The following FTO variants were observed in gnomAD, a reference collection of about 807,000 sequenced individuals.
FTO encodes FTO alpha-ketoglutarate dependent dioxygenase, also known as alpha-ketoglutarate-dependent dioxygenase FTO.
In FTO, 47 loss-of-function variants were observed where a neutral mutation model predicts 63.9. The observed-to-expected ratio is 0.74, with a 90% CI of 0.58 to 0.94. The LOEUF (loss-of-function observed/expected upper bound fraction) is 0.94. Ranked by LOEUF, FTO falls within the 40% of genes least tolerant of loss-of-function variation. FTO has a pLI of 0.00. For missense variants in FTO, 562 were observed against 618.1 expected (o/e 0.91, Z 0.96); for synonymous variants, 207 against 224.4 (o/e 0.92, Z 0.69).
intron 1 of FTO, among the ~76,000 whole-genome samples, chr16:53,712,543 A>G (rs1218901509): frequency 6.6e-6 from 1 of 152,222 alleles, no homozygotes; most frequent in Non-Finnish European, 1.5e-5. Flanking sequence ...AAAATTAACC[A>G]GCTAAACTAT....
intron 8 of FTO, among the ~76,000 whole-genome samples, chr16:54,109,719 T>C (rs1166722803): frequency 6.6e-6 from 1 of 152,204 alleles, no homozygotes; most frequent in Non-Finnish European, 1.5e-5. Context: ...TTGGGAAGCT[T>C]GTACAACACA....
chr16:53,951,814 G>GT (rs550613088), intron 8 of FTO, among the ~76,000 whole-genome samples: 6,205 of 144,752 alleles, frequency 0.043, 379 homozygotes, highest in African/African-American at 0.14. Context: ...AATCAATCTT[G>GT]TTTTTTTTTT....
At chr16:53,822,645 G>A (rs976761179) in intron 2 of FTO, among the ~76,000 whole-genome samples, 7 of 152,096 alleles carry the variant, frequency 4.6e-5, no homozygotes, top group Non-Finnish European at 8.8e-5. Flanking sequence ...TCATGTACTC[G>A]TGTCTGTTTT....
At chr16:53,912,951 G>A (rs1445196096) in intron 7 of FTO, among the ~76,000 whole-genome samples, 1 of 152,202 alleles carries the variant, frequency 6.6e-6, no homozygotes, top group African/African-American at 2.4e-5. Context: ...CCAGTGAACT[G>A]TGCCTCAAGT....
intron 3 of FTO, among the ~76,000 whole-genome samples, chr16:53,836,438 A>C (rs904946589): frequency 3.3e-5 from 5 of 152,134 alleles, no homozygotes; most frequent in Non-Finnish European, 2.9e-5. Context: ...AAAAGAAGTA[A>C]TTTGTGTCTT....
intron 1 of FTO, among the ~76,000 whole-genome samples, chr16:53,775,777 AAT>A (rs2077444654): frequency 6.6e-6 from 1 of 152,116 alleles, no homozygotes; most frequent in Admixed American, 6.6e-5. Context: ...GCCTGCTTTT[AAT>A]AGTCTGTTTT....
At chr16:54,023,473 G>A (rs1243430594) in intron 8 of FTO, among the ~76,000 whole-genome samples, 1 of 152,116 alleles carries the variant, frequency 6.6e-6, no homozygotes, top group Non-Finnish European at 1.5e-5. Context: ...TTCTACCAAG[G>A]ATAATAATCT....
chr16:54,078,247 A>G (rs1316068715), intron 8 of FTO, among the ~76,000 whole-genome samples: 1 of 151,150 alleles, frequency 6.6e-6, no homozygotes, highest in Non-Finnish European at 1.5e-5. Flanking sequence ...ACATATATGT[A>G]TATGTAAACT....
At chr16:53,897,142 A>T (rs1476007547) in intron 7 of FTO, among the ~76,000 whole-genome samples, 1 of 152,114 alleles carries the variant, frequency 6.6e-6, no homozygotes, top group East Asian at 1.9e-4. Context: ...TTATTTGTAG[A>T]TGATATTTTT....
intron 1 of FTO, among the ~76,000 whole-genome samples, chr16:53,791,346 G>A (rs1734253400): frequency 6.6e-6 from 1 of 152,176 alleles, no homozygotes; most frequent in Admixed American, 6.5e-5. Context: ...ATAAGCTCTG[G>A]TTCTGGAGCT....
rs1400009179 is a variant in FTO at position 54,117,690 on chromosome 16, A to G, written c.*5775A>G. On this transcript the variant is annotated 3_prime_UTR_variant, in exon 9 of 9. Transcript: ENST00000471389. ...GCATGGAACTTTTTATAAATGAGAT[A>G]TTATGAAAAATGATGTTTTAGGACT... The G allele has an allele frequency of 6.6e-6, 1 of 152,200 alleles. No individual in the cohort carries two copies. Among genetic ancestry groups the G allele is most frequent in the Non-Finnish European group, 1.5e-5 (1 of 68,040 alleles). The allele number at this position is 152,200 out of a possible 1,614,324, so 9.4% of individuals were successfully genotyped here.
chr16:54,062,679 G>A (rs1399754229), intron 8 of FTO, among the ~76,000 whole-genome samples: 1 of 152,180 alleles, frequency 6.6e-6, no homozygotes, highest in Non-Finnish European at 1.5e-5. Flanking sequence ...GTGTCACTCT[G>A]TTTCCTCCTG....
chr16:53,795,705 A>G (rs1356288191), intron 1 of FTO, among the ~76,000 whole-genome samples: 1 of 152,232 alleles, frequency 6.6e-6, no homozygotes, highest in Non-Finnish European at 1.5e-5. Flanking sequence ...TTGACGTTGT[A>G]GAATTTAAGG....
chr16:53,931,871 AACACACACACACAC>A (rs35135177), intron 7 of FTO, among the ~76,000 whole-genome samples: 3 of 145,686 alleles, frequency 2.1e-5, no homozygotes, highest in African/African-American at 7.6e-5. Context: ...TTTTACATTA[AACACACACACACAC>A]ACACACACAC....
intron 7 of FTO, among the ~76,000 whole-genome samples, chr16:53,898,332 A>G (rs2081321768): frequency 6.6e-6 from 1 of 150,804 alleles, no homozygotes; most frequent in Non-Finnish European, 1.5e-5. Flanking sequence ...AATTTACATG[A>G]CTCTCTCCCT....
intron 1 of FTO, among the ~76,000 whole-genome samples, chr16:53,732,095 C>T (rs1224090599): frequency 6.0e-5 from 8 of 133,556 alleles, no homozygotes. Flanking sequence ...GTCGCCCAGG[C>T]TGGAGTGCAG....
chr16:54,069,025 G>A (rs2085797847), intron 8 of FTO, among the ~76,000 whole-genome samples: 1 of 152,096 alleles, frequency 6.6e-6, no homozygotes, highest in South Asian at 2.1e-4. Flanking sequence ...CATTACCCAA[G>A]AAAACGAAAG....
chr16:54,042,127 C>T (rs1567535114), intron 8 of FTO, among the ~76,000 whole-genome samples: 1 of 152,036 alleles, frequency 6.6e-6, no homozygotes, highest in Non-Finnish European at 1.5e-5. Flanking sequence ...ATAGGAACAG[C>T]TCCGGTCTAC....
intron 4 of FTO, among the ~76,000 whole-genome samples, chr16:53,849,573 A>C (rs1439447126): frequency 1.3e-5 from 2 of 152,212 alleles, no homozygotes; most frequent in African/African-American, 4.8e-5. Flanking sequence ...GCCCTGTAGT[A>C]ATCAGTCTTA....
Sources: allele counts gnomAD v4.1 joint callset (sites outside exome capture counted in the v4.1 genomes callset), GRCh38; gene constraint gnomAD v4.1.1; transcripts MANE v1.5; gene names NCBI Gene and HGNC (gene_info 2026-07-23, HGNC 2026-07-21).